The following CELF2 variants were observed in gnomAD, a reference collection of about 807,000 sequenced individuals.
CELF2 encodes CUG triplet repeat RNA-binding protein 2.
CELF2 carries 8 observed loss-of-function variants against 62.6 expected under a neutral mutation model. The ratio of observed to expected loss-of-function variants is 0.13; its 90% confidence interval spans 0.07 to 0.23. The LOEUF is 0.23. CELF2 is among the 10% of genes least tolerant of loss of function. CELF2 has a pLI of 1.00. For synonymous variants in CELF2, 258 were observed against 250.0 expected (o/e 1.03, Z -0.30); for missense variants, 333 against 671.0 (o/e 0.50, Z 5.56).
intron 1 of CELF2, among the ~76,000 whole-genome samples, chr10:10,857,371 G>T (rs1010215813): frequency 1.3e-5 from 2 of 151,860 alleles, no homozygotes; most frequent in African/African-American, 4.8e-5. Context: ...GACCACAAAA[G>T]AATTACTTCT....
rs113131586 is a variant in CELF2, at chr10:11,228,699, C to T, written c.354+11192C>T. Among the ~76,000 whole-genome samples, 250 of 148,540 alleles carry T rather than the reference C, an allele frequency of 1.7e-3. 3 individuals carry two copies. The highest frequency in any genetic ancestry group is 5.7e-3 in the African/African-American group (226 of 39,456). On this transcript the variant is annotated intron_variant, in intron 3 of 12. Coordinates refer to ENST00000633077, the MANE Select transcript of CELF2 (RefSeq NM_001326342.2). ...GCTCATAGAGGCACTATAATCACAA[C>T]CCCCACCCGCGCCCCTCGCAAAAAA...
In CELF2 at chr10:11,117,493, C is replaced by A. The variant is rs2056805130; in HGVS notation, c.75-47993C>A. On this transcript the variant is annotated intron_variant, in intron 1 of 12. Coordinates refer to ENST00000633077, the MANE Select transcript of CELF2 (RefSeq NM_001326342.2). This position sits in a 1 kb window ranked among gnomAD's most constrained non-coding sequence, Gnocchi z 4.1. Reference sequence around the variant, plus strand: ...CTACCAGCTTTCCTGTGCTCTGCAGCAGCTCTAGAGGCCACTCCTTTAGAC... The same window carrying A: ...CTACCAGCTTTCCTGTGCTCTGCAGAAGCTCTAGAGGCCACTCCTTTAGAC... 6.6e-6 allele frequency among the ~76,000 whole-genome samples: 1 copy of A among 152,200 alleles called. No homozygotes were observed. Among genetic ancestry groups the A allele is most frequent in the African/African-American group, 2.4e-5 (1 of 41,444 alleles).
the CELF2 span, among the ~76,000 whole-genome samples, chr10:10,696,203 G>T: frequency 5.3e-5 from 8 of 152,172 alleles, no homozygotes; most frequent in South Asian, 1.7e-3. Flanking sequence ...CTTTCTGTTT[G>T]TTAGTTTTCC....
At chr10:11,205,935 C>T (rs1001796759) in intron 2 of CELF2, among the ~76,000 whole-genome samples, 1 of 152,196 alleles carries the variant, frequency 6.6e-6, no homozygotes, top group African/African-American at 2.4e-5. Context: ...CCTTGGATTT[C>T]TATAGCCAAA....
At chr10:10,477,063 T>C in the CELF2 span, among the ~76,000 whole-genome samples, 1 of 152,232 alleles carries the variant, frequency 6.6e-6, no homozygotes, top group Admixed American at 6.5e-5. Context: ...CCAACTCAGA[T>C]ATCTGTACAA....
rs1234145753 is a variant in CELF2 at position 11,156,454 on chromosome 10, A to G, written c.75-9032A>G. 5.9e-5 allele frequency among the ~76,000 whole-genome samples: 9 copies of G among 152,098 alleles called. No individual in the cohort carries two copies. ...CCTTATTTAATATTGCAGCCCTCTT[A>G]TTTAATACCCTGCAACGCCCTCCCC... On this transcript the variant is annotated intron_variant, in intron 1 of 12. Transcript: ENST00000633077. The surrounding 1 kb of genome is among the most constrained non-coding windows in gnomAD (Gnocchi z 4.3).
At chr10:11,205,034 T>C (rs1296826885) in intron 2 of CELF2, among the ~76,000 whole-genome samples, 1 of 152,218 alleles carries the variant, frequency 6.6e-6, no homozygotes, top group Non-Finnish European at 1.5e-5. Flanking sequence ...AAAATTTTGT[T>C]GTACCCTGAA....
chr10:11,116,771 G>A lies in CELF2; in HGVS notation c.75-48715G>A, dbSNP rs754231427. 1.1e-4 allele frequency among the ~76,000 whole-genome samples: 16 copies of A among 152,188 alleles called. No homozygotes were observed. In the South Asian group the frequency reaches 1.2e-3, roughly 12 times the overall value. ...ACTTTGAACAAAGGTATTAGGTAGC[G>A]TCTATTAAAAATTCATCAGTAAGTT... On this transcript the variant is annotated intron_variant, in intron 1 of 12. Transcript: ENST00000633077.
chr10:10,893,915 T>A (rs956459990), intron 1 of CELF2, among the ~76,000 whole-genome samples: 2 of 152,122 alleles, frequency 1.3e-5, no homozygotes, highest in Admixed American at 6.6e-5. Context: ...GGGGTTACAA[T>A]TGAACACGAG....
upstream of CELF2, chr10:11,005,240 AAGACAGAGAGAGAGGG>A (rs748262893): frequency 1.1e-3 from 1,334 of 1,233,576 alleles, 5 homozygotes; most frequent in African/African-American, 2.6e-3. This position sits in a 1 kb window ranked among gnomAD's most constrained non-coding sequence, Gnocchi z 4.3. Flanking sequence ...AGAGAGTGGG[AAGACAGAGAGAGAGGG>A]AGAGAGAGAG....
At chr10:11,042,991 G>C (rs369883221) in intron 1 of CELF2, among the ~76,000 whole-genome samples, 9 of 152,182 alleles carry the variant, frequency 5.9e-5, no homozygotes, top group East Asian at 1.9e-4. Flanking sequence ...TCAAGTACAA[G>C]TTTTTGTGTG....
chr10:11,179,884 G>A (rs1374031553), intron 2 of CELF2, among the ~76,000 whole-genome samples: 1 of 152,116 alleles, frequency 6.6e-6, no homozygotes, highest in Non-Finnish European at 1.5e-5. Flanking sequence ...TCTTAAATTA[G>A]CAAAGCTTAC....
chr10:11,184,389 G>C (rs1433752013), intron 2 of CELF2, among the ~76,000 whole-genome samples: 2 of 152,148 alleles, frequency 1.3e-5, no homozygotes, highest in East Asian at 3.9e-4. Context: ...TAGATTCTTT[G>C]TATCTCCTCG....
chr10:10,567,406 G>C, the CELF2 span, among the ~76,000 whole-genome samples: 1 of 152,134 alleles, frequency 6.6e-6, no homozygotes, highest in African/African-American at 2.4e-5. Flanking sequence ...CTCTAAACTA[G>C]AGATTCAAGT....
chr10:10,851,197 A>G (rs1003856919), intron 1 of CELF2, among the ~76,000 whole-genome samples: 4 of 152,236 alleles, frequency 2.6e-5, no homozygotes, highest in Non-Finnish European at 5.9e-5. Context: ...TAACTCTTAC[A>G]TCTTTCTTTT....
intron 2 of CELF2, among the ~76,000 whole-genome samples, chr10:11,176,394 C>T (rs2071133548): frequency 6.6e-6 from 1 of 152,160 alleles, no homozygotes; most frequent in African/African-American, 2.4e-5. Context: ...GTGTAGGGTC[C>T]TGAGGAAGAG....
chr10:10,590,923 T>C, the CELF2 span, among the ~76,000 whole-genome samples: 4 of 152,224 alleles, frequency 2.6e-5, no homozygotes, highest in Admixed American at 2.0e-4. Context: ...TAAGTTGCTA[T>C]GGTAGATGAA....
At chr10:10,710,876 G>A in the CELF2 span, among the ~76,000 whole-genome samples, 6 of 152,084 alleles carry the variant, frequency 3.9e-5, no homozygotes, top group Non-Finnish European at 5.9e-5. Context: ...TTAGAGAAAT[G>A]GCCTAACAGA....
At chr10:11,106,936 C>T (rs2053651209) in intron 1 of CELF2, among the ~76,000 whole-genome samples, 1 of 152,224 alleles carries the variant, frequency 6.6e-6, no homozygotes, top group South Asian at 2.1e-4. Flanking sequence ...CCTGTGCCTG[C>T]AGGGGAGAGC....
Sources: gnomAD v4.1 joint callset for allele counts (sites outside exome capture counted in the v4.1 genomes callset) on GRCh38, gnomAD v4.1.1 for gene constraint, Gnocchi (gnomAD v3.1) non-coding constraint, MANE v1.5 for transcripts, NCBI Gene and HGNC (gene_info 2026-07-23, HGNC 2026-07-21) for gene names.